MSRA: variants seen among roughly 807,000 people sequenced by gnomAD.
MSRA encodes methionine sulfoxide reductase A, also known as mitochondrial peptide methionine sulfoxide reductase.
In MSRA, 54 loss-of-function variants were observed where a neutral mutation model predicts 31.3. The observed-to-expected ratio is 1.73, with a 90% CI of 1.39 to 2.17. The LOEUF (loss-of-function observed/expected upper bound fraction) is 2.17, where lower values mean the gene tolerates loss of function less well. Among genes scored for constraint, MSRA ranks in the 30% most tolerant of loss-of-function variants. The pLI is 0.00. For missense variants in MSRA, 507 were observed against 300.9 expected (o/e 1.69, Z -5.07); for synonymous variants, 169 against 116.5 (o/e 1.45, Z -2.90).
chr8:10,252,929 G>C (rs1397730952), intron 3 of MSRA, among the ~76,000 whole-genome samples: 1 of 152,188 alleles, frequency 6.6e-6, no homozygotes. Flanking sequence ...GCGAAATCAT[G>C]TGGTCTCTCA....
At chr8:10,164,086 A>G (rs990000030) in intron 1 of MSRA, among the ~76,000 whole-genome samples, 6 of 152,074 alleles carry the variant, frequency 3.9e-5, no homozygotes, top group Admixed American at 3.9e-4. Flanking sequence ...TCTCCTGTTA[A>G]TCTGTCTTTC....
At chr8:10,215,302 C>G (rs980726446) in intron 2 of MSRA, among the ~76,000 whole-genome samples, 1 of 152,194 alleles carries the variant, frequency 6.6e-6, no homozygotes, top group African/African-American at 2.4e-5. Flanking sequence ...TGACTCTAGA[C>G]AAGTTTCTTC....
chr8:10,063,673 A>G (rs1227165255), intron 1 of MSRA, among the ~76,000 whole-genome samples: 1 of 152,154 alleles, frequency 6.6e-6, no homozygotes, highest in African/African-American at 2.4e-5. Flanking sequence ...ATAACTAGCT[A>G]GTCTTTTCGG....
rs555022968 is a variant in MSRA at position 10,192,280 on chromosome 8, G to A, written c.143-15553G>A. ...GATTAAGCTCCACTTCTTGACAGAA[G>A]AGTATCAGAATTTGTGGCTATACCT... On this transcript the variant is annotated intron_variant, in intron 1 of 5. Transcript: ENST00000317173. Among the ~76,000 whole-genome samples, 6 of 152,332 alleles carry A rather than the reference G, an allele frequency of 3.9e-5. No homozygotes were observed. In the South Asian group the frequency reaches 8.3e-4, roughly 21 times the overall value.
At chr8:10,336,091 A>G (rs1803024954) in intron 5 of MSRA, among the ~76,000 whole-genome samples, 1 of 152,160 alleles carries the variant, frequency 6.6e-6, no homozygotes, top group Non-Finnish European at 1.5e-5. Flanking sequence ...CTTTCTTCTC[A>G]TTCCGTATCT....
intron 5 of MSRA, among the ~76,000 whole-genome samples, chr8:10,340,727 T>C (rs1318414446): frequency 6.6e-6 from 1 of 152,194 alleles, no homozygotes; most frequent in Admixed American, 6.5e-5. Context: ...CATGTTTTGA[T>C]TCAATTCAAA....
chr8:10,409,995 G>A (rs1354721068), intron 5 of MSRA, among the ~76,000 whole-genome samples: 1 of 152,180 alleles, frequency 6.6e-6, no homozygotes, highest in East Asian at 1.9e-4. Context: ...AGGAGTTTGA[G>A]GCAGCAGTGA....
chr8:10,249,589 T>C (rs933516154), intron 3 of MSRA, among the ~76,000 whole-genome samples: 4 of 152,172 alleles, frequency 2.6e-5, no homozygotes, highest in East Asian at 1.9e-4. Flanking sequence ...CTCACCCAGA[T>C]GTTTTGGGCC....
At chr8:10,408,216 G>T (rs1002570852) in intron 5 of MSRA, among the ~76,000 whole-genome samples, 4 of 152,128 alleles carry the variant, frequency 2.6e-5, no homozygotes, top group African/African-American at 9.7e-5. Flanking sequence ...GCACCACTCT[G>T]ACTTTACATC....
At chr8:10,339,472 C>T (rs892621903) in intron 5 of MSRA, among the ~76,000 whole-genome samples, 2 of 149,006 alleles carry the variant, frequency 1.3e-5, no homozygotes, top group East Asian at 2.0e-4. Context: ...TCCTGTTCTT[C>T]GTGGTCAGGA....
chr8:10,238,204 G>C (rs1812115223), intron 2 of MSRA, among the ~76,000 whole-genome samples: 1 of 152,126 alleles, frequency 6.6e-6, no homozygotes. Context: ...TCTACCCCTT[G>C]CTGGGGATAT....
At chr8:10,144,165 G>A (rs1483463935) in intron 1 of MSRA, among the ~76,000 whole-genome samples, 4 of 152,168 alleles carry the variant, frequency 2.6e-5, no homozygotes, top group Admixed American at 1.3e-4. Flanking sequence ...ACATAGGAGC[G>A]GTGAAGTCTC....
At chr8:10,059,411 A>T (rs954852149) in intron 1 of MSRA, among the ~76,000 whole-genome samples, 3 of 152,214 alleles carry the variant, frequency 2.0e-5, no homozygotes, top group African/African-American at 4.8e-5. Context: ...AACAACATAC[A>T]TTGCTAATAA....
chr8:10,165,371 CAA>C (rs1200885005), intron 1 of MSRA, among the ~76,000 whole-genome samples: 1 of 151,732 alleles, frequency 6.6e-6, no homozygotes, highest in Non-Finnish European at 1.5e-5. Flanking sequence ...AACAAACAAA[CAA>C]ACAAAAAACT....
At chr8:10,254,353 T>G (rs751661359) in intron 3 of MSRA, among the ~76,000 whole-genome samples, 11 of 152,216 alleles carry the variant, frequency 7.2e-5, no homozygotes, top group Non-Finnish European at 1.6e-4. Context: ...TCTCTTTTGC[T>G]TCTTCTTTCC....
At chr8:10,390,121 C>T (rs899448143) in intron 5 of MSRA, among the ~76,000 whole-genome samples, 2 of 152,236 alleles carry the variant, frequency 1.3e-5, no homozygotes, top group Non-Finnish European at 2.9e-5. Flanking sequence ...ATCTGACATC[C>T]CCTCTCTGTA....
chr8:10,269,472 C>G (rs904702818), intron 3 of MSRA, among the ~76,000 whole-genome samples: 3 of 152,216 alleles, frequency 2.0e-5, no homozygotes, highest in African/African-American at 7.2e-5. Context: ...ACTGTTAATT[C>G]TTTGAATTTT....
intron 5 of MSRA, among the ~76,000 whole-genome samples, chr8:10,373,046 C>A (rs1212766252): frequency 6.6e-6 from 1 of 152,148 alleles, no homozygotes; most frequent in East Asian, 1.9e-4. Flanking sequence ...TGGCATTTAC[C>A]ACACCAGCTA....
At chr8:10,085,037 GTAC>G (rs1798487412) in intron 1 of MSRA, among the ~76,000 whole-genome samples, 1 of 151,914 alleles carries the variant, frequency 6.6e-6, no homozygotes, top group East Asian at 1.9e-4. Context: ...TAAATAAATC[GTAC>G]TATGGTTTTA....
Sources: allele counts gnomAD v4.1 joint callset (sites outside exome capture counted in the v4.1 genomes callset), GRCh38; gene constraint gnomAD v4.1.1; transcripts MANE v1.5; gene names NCBI Gene and HGNC (gene_info 2026-07-23, HGNC 2026-07-21).